The following PPARA variants were observed in gnomAD, a reference collection of about 807,000 sequenced individuals.
PPARA encodes peroxisome proliferator activated receptor alpha.
Under a neutral mutation model 42.2 loss-of-function variants are expected in PPARA, and 22 were observed. That is an observed-to-expected ratio of 0.52 (90% CI 0.37 to 0.74). The LOEUF (loss-of-function observed/expected upper bound fraction) is 0.74, where lower values mean the gene tolerates loss of function less well. PPARA is among the 30% of genes least tolerant of loss of function. The pLI, the probability that PPARA is intolerant of heterozygous loss-of-function variation, is 0.00. For missense variants in PPARA, 465 were observed against 608.2 expected (o/e 0.76, Z 2.48); for synonymous variants, 242 against 239.3 (o/e 1.01, Z -0.10).
chr22:46,172,342 A>AC (rs1928218165), intron 2 of PPARA, among the ~76,000 whole-genome samples: 2 of 146,134 alleles, frequency 1.4e-5, no homozygotes, highest in Non-Finnish European at 3.0e-5. Context: ...AAAAAAAAAC[A>AC]GCATTGGGCC....
intron 4 of PPARA, among the ~76,000 whole-genome samples, chr22:46,207,662 A>ATTT (rs1933475831): frequency 1.2e-5 from 1 of 85,280 alleles, no homozygotes; most frequent in African/African-American, 5.4e-5. Flanking sequence ...TATTATTATT[A>ATTT]TTATTATTAT....
chr22:46,201,648 G>A (rs914265920), intron 4 of PPARA, among the ~76,000 whole-genome samples: 2 of 152,038 alleles, frequency 1.3e-5, no homozygotes, highest in Non-Finnish European at 2.9e-5. Flanking sequence ...CTCACACCTC[G>A]GCTTGCCTAA....
intron 3 of PPARA, among the ~76,000 whole-genome samples, chr22:46,178,965 G>T (rs543311264): frequency 1.3e-5 from 2 of 152,226 alleles, no homozygotes; most frequent in South Asian, 4.1e-4. Flanking sequence ...CAGTGAGATA[G>T]ATTGGAATCT....
rs964692574 is a variant in PPARA, at chr22:46,204,239, G to A, written c.208+5648G>A. Among the ~76,000 whole-genome samples, 2 of 152,170 alleles carry A rather than the reference G, an allele frequency of 1.3e-5. No homozygotes were observed. The highest frequency in any genetic ancestry group is 2.9e-5 in the Non-Finnish European group (2 of 68,038). On this transcript the variant is annotated intron_variant, in intron 4 of 8. Transcript: ENST00000407236. This position sits in a 1 kb window ranked among gnomAD's most constrained non-coding sequence, Gnocchi z 5.2. ...GACATAGCACAGTTTGCTGATTCAC[G>A]CACCTGTTGATGAGCATTTAGGTTG...
At chr22:46,210,948 G>A (rs58437285) in intron 4 of PPARA, among the ~76,000 whole-genome samples, 4,227 of 152,212 alleles carry the variant, frequency 0.028, 208 homozygotes, top group African/African-American at 0.096. Context: ...CACTGCTGAG[G>A]CAAAACCACT....
chr22:46,236,129 C>A lies in PPARA; in HGVS notation c.*749C>A, dbSNP rs1276600697. The A allele has an allele frequency of 6.5e-6, 1 of 152,784 alleles. No individual in the cohort carries two copies. The highest frequency in any genetic ancestry group is 1.5e-5 in the Non-Finnish European group (1 of 68,478). The allele number at this position is 152,784 out of a possible 1,614,324, so 9.5% of individuals were successfully genotyped here. ...GGGTGTGGTGGCACATGCCTGTAAT[C>A]CCAGCTACTCGGGAAGCTGAGGCAG... is the stretch of plus-strand genomic sequence containing the variant. On this transcript the variant is annotated 3_prime_UTR_variant, in exon 9 of 9. Transcript: ENST00000407236. This position sits in a 1 kb window ranked among gnomAD's most constrained non-coding sequence, Gnocchi z 5.2.
rs146369570 is a variant in PPARA at position 46,174,574 on chromosome 22, T to C, written c.-126-2179T>C. On this transcript the variant is annotated intron_variant, in intron 2 of 8. Coordinates refer to ENST00000407236, the MANE Select transcript of PPARA (RefSeq NM_005036.6). The stretch of plus-strand genomic sequence containing the variant: ...ACTCACTCCTGTAATCCCAGCACTT[T>C]GGGAAGCCGAGGTGGGAGGATCACC... Among the ~76,000 whole-genome samples the C allele has an allele frequency of 4.0e-3, 615 of 152,198 alleles. 25 individuals carry two copies. In the East Asian group the frequency reaches 0.11, roughly 26 times the overall value.
In PPARA at chr22:46,221,425, A is replaced by G. The variant is rs1327003241; in HGVS notation, c.711+1411A>G. Among the ~76,000 whole-genome samples, 1 of 151,728 alleles carries G rather than the reference A, an allele frequency of 6.6e-6. No individual in the cohort carries two copies. The highest frequency in any genetic ancestry group is 1.5e-5 in the Non-Finnish European group (1 of 67,968). On this transcript the variant is annotated intron_variant, in intron 7 of 8. Transcript: ENST00000407236. The surrounding 1 kb of genome is among the most constrained non-coding windows in gnomAD (Gnocchi z 5.9). ...GCTCTTGGTCCTTTCTCCTAAAACT[A>G]CTCCCTCCCTCTCAGACAAACATGC... is the stretch of plus-strand genomic sequence containing the variant.
Position 46,173,181 on chromosome 22 carries a change from G to A in PPARA, c.-126-3572G>A, listed in dbSNP as rs1009123161. On this transcript the variant is annotated intron_variant, in intron 2 of 8. Transcript: ENST00000407236. The surrounding 1 kb of genome is among the most constrained non-coding windows in gnomAD (Gnocchi z 4.3). ...TTGAGTTGCTTAAAGTCATGCTATCGGGTAGATGTTGTGGCTGTTCTTTTC... is the reference window on the plus strand; with the variant it reads ...TTGAGTTGCTTAAAGTCATGCTATCAGGTAGATGTTGTGGCTGTTCTTTTC... Among the ~76,000 whole-genome samples the A allele has an allele frequency of 4.6e-5, 7 of 152,140 alleles. No homozygotes were observed. Among genetic ancestry groups the A allele is most frequent in the South Asian group, 2.1e-4 (1 of 4,830 alleles).
chr22:46,236,340 A>G lies in PPARA; in HGVS notation c.*960A>G, dbSNP rs1305946566. 1 of 152,628 alleles carries G rather than the reference A, an allele frequency of 6.6e-6. No homozygotes were observed. The highest frequency in any genetic ancestry group is 1.5e-5 in the Non-Finnish European group (1 of 68,038). The allele number at this position is 152,628 out of a possible 1,614,324, so 9.5% of individuals were successfully genotyped here. On this transcript the variant is annotated 3_prime_UTR_variant, in exon 9 of 9. Coordinates refer to ENST00000407236, the MANE Select transcript of PPARA (RefSeq NM_005036.6). This position sits in a 1 kb window ranked among gnomAD's most constrained non-coding sequence, Gnocchi z 5.2. Reference sequence around the variant, plus strand: ...CTCACTGTTTTCGTGGTTGTAACTAATATGTGGAAAGGCCCATTTCCAGGT... The same window carrying G: ...CTCACTGTTTTCGTGGTTGTAACTAGTATGTGGAAAGGCCCATTTCCAGGT...
rs948663206 is a variant in PPARA at position 46,160,553 on chromosome 22, C to T, written c.-127+8583C>T. On this transcript the variant is annotated intron_variant, in intron 2 of 8. Coordinates refer to ENST00000407236, the MANE Select transcript of PPARA (RefSeq NM_005036.6). The surrounding 1 kb of genome is among the most constrained non-coding windows in gnomAD (Gnocchi z 4.5). ...CCTCATGATCCGCCCTCTGCAGCCTCCCAAAGTGCTGGGATTACAGGCGTG... is the reference window on the plus strand; with the variant it reads ...CCTCATGATCCGCCCTCTGCAGCCTTCCAAAGTGCTGGGATTACAGGCGTG... Among the ~76,000 whole-genome samples the T allele has an allele frequency of 6.6e-5, 10 of 152,104 alleles. No homozygotes were observed. Among genetic ancestry groups the T allele is most frequent in the African/African-American group, 1.9e-4 (8 of 41,398 alleles).
intron 3 of PPARA, among the ~76,000 whole-genome samples, chr22:46,194,113 T>C (rs1186477058): frequency 6.6e-6 from 1 of 152,200 alleles, no homozygotes; most frequent in Admixed American, 6.5e-5. Flanking sequence ...CCGTTTGGCC[T>C]CTGCTGTCTA....
chr22:46,152,170 G>C (rs1041775657), intron 2 of PPARA, among the ~76,000 whole-genome samples, 200 bp downstream of exon 2: 4 of 126,030 alleles, frequency 3.2e-5, no homozygotes, highest in Non-Finnish European at 4.7e-5. Flanking sequence ...ACGGAGTCTC[G>C]CTCTGCCGCC....
chr22:46,196,826 G>C lies in PPARA; in HGVS notation c.-42-1516G>C, dbSNP rs985311116. On this transcript the variant is annotated intron_variant, in intron 3 of 8. Coordinates refer to ENST00000407236, the MANE Select transcript of PPARA (RefSeq NM_005036.6). This position sits in a 1 kb window ranked among gnomAD's most constrained non-coding sequence, Gnocchi z 5.6. The stretch of plus-strand genomic sequence containing the variant: ...CAACCTCCGCCTCCCATGTTCAAGC[G>C]GTTCTCCTGCCTCAACCTCCTGAGT... 3.9e-5 allele frequency among the ~76,000 whole-genome samples: 6 copies of C among 152,130 alleles called. No homozygotes were observed. The highest frequency in any genetic ancestry group is 1.4e-4 in the African/African-American group (6 of 41,428).
chr22:46,220,034 C>A lies in PPARA; in HGVS notation c.711+20C>A. The A allele has an allele frequency of 6.2e-7, 1 of 1,612,892 alleles. No homozygotes were observed. Among genetic ancestry groups the A allele is most frequent in the Non-Finnish European group, 8.5e-7 (1 of 1,179,674 alleles). ...AATCCAGTAGGTGTTTGCGGCTGTTCTGGGTTCTCTTGGCAACATGGAACC... is the reference window on the plus strand; with the variant it reads ...AATCCAGTAGGTGTTTGCGGCTGTTATGGGTTCTCTTGGCAACATGGAACC... On this transcript the variant is annotated intron_variant, in intron 7 of 8. Transcript: ENST00000407236.
At position 46,161,845 on chromosome 22, in the gene PPARA, G is replaced by A. The variant is rs1926224195; in HGVS notation, c.-127+9875G>A. Among the ~76,000 whole-genome samples the A allele has an allele frequency of 6.6e-6, 1 of 152,118 alleles. No homozygotes were observed. The highest frequency in any genetic ancestry group is 2.1e-4 in the South Asian group (1 of 4,816). On this transcript the variant is annotated intron_variant, in intron 2 of 8. Coordinates refer to ENST00000407236, the MANE Select transcript of PPARA (RefSeq NM_005036.6). This position sits in a 1 kb window ranked among gnomAD's most constrained non-coding sequence, Gnocchi z 4.8. The stretch of plus-strand genomic sequence containing the variant: ...AGCGTTTGGTCCCTGCGCTTTTCTG[G>A]ATGCCCCCACCCCCTCTGGCTCCAC...
intron 2 of PPARA, among the ~76,000 whole-genome samples, chr22:46,175,423 T>A (rs1237308948): frequency 6.6e-6 from 1 of 152,064 alleles, no homozygotes; most frequent in Non-Finnish European, 1.5e-5. Context: ...ATTTTATGAA[T>A]GTCACATAGG....
At position 46,225,533 on chromosome 22, in the gene PPARA, G is replaced by T. The variant is rs537746417; in HGVS notation, c.711+5519G>T. 2.0e-5 allele frequency among the ~76,000 whole-genome samples: 3 copies of T among 151,994 alleles called. No homozygotes were observed. The highest frequency in any genetic ancestry group is 7.2e-5 in the African/African-American group (3 of 41,436). Reference sequence around the variant, plus strand: ...CGCACATACCCACACTCACACATCCGTGCACACACGGGTACACACACATAC... The same window carrying T: ...CGCACATACCCACACTCACACATCCTTGCACACACGGGTACACACACATAC... On this transcript the variant is annotated intron_variant, in intron 7 of 8. Coordinates refer to ENST00000407236, the MANE Select transcript of PPARA (RefSeq NM_005036.6). The surrounding 1 kb of genome is among the most constrained non-coding windows in gnomAD (Gnocchi z 4.1).
chr22:46,225,727 GCATC>G lies in PPARA; in HGVS notation c.711+5717_711+5720del, dbSNP rs913733338. On this transcript the variant is annotated intron_variant, in intron 7 of 8. Coordinates refer to ENST00000407236, the MANE Select transcript of PPARA (RefSeq NM_005036.6). This position sits in a 1 kb window ranked among gnomAD's most constrained non-coding sequence, Gnocchi z 4.1. Reference sequence around the variant, plus strand: ...CACACATGCACCCACACGCACACAAGCATCCATGCTCACATGGGTACACACTCAC... The same window carrying G: ...CACACATGCACCCACACGCACACAAGCATGCTCACATGGGTACACACTCAC... Among the ~76,000 whole-genome samples the G allele has an allele frequency of 2.2e-4, 26 of 119,534 alleles. No individual in the cohort carries two copies. Among genetic ancestry groups the G allele is most frequent in the African/African-American group, 8.1e-4 (25 of 30,724 alleles). 78.4% of individuals were successfully genotyped at this position (119,534 alleles called of 152,430 possible). A position where few individuals can be genotyped will look rare whatever the true frequency, so the allele number is the denominator to read the frequency against.
Sources: allele counts gnomAD v4.1 joint callset (sites outside exome capture counted in the v4.1 genomes callset), GRCh38; gene constraint gnomAD v4.1.1; non-coding constraint Gnocchi (gnomAD v3.1); transcripts MANE v1.5; gene names NCBI Gene and HGNC (gene_info 2026-07-23, HGNC 2026-07-21).